PTGER3: variants seen among roughly 807,000 people sequenced by gnomAD.
PTGER3 encodes the protein prostaglandin E2 receptor EP3 subtype.
In PTGER3, 22 loss-of-function variants were observed where a neutral mutation model predicts 34.7. The ratio of observed to expected loss-of-function variants is 0.63; its 90% CI spans 0.45 to 0.91. The LOEUF (loss-of-function observed/expected upper bound fraction) is 0.91, where lower values mean the gene tolerates loss of function less well. Among genes scored for constraint, PTGER3 ranks in the 40% least tolerant of loss-of-function variants. The pLI is 0.00. For synonymous variants in PTGER3, 241 were observed against 230.1 expected, an observed-to-expected ratio of 1.05 and a Z score of -0.43; for missense variants, 468 against 519.4, an observed-to-expected ratio of 0.90 and a Z score of 0.96.
At chr1:70,945,469 G>T (rs1650140009) in intron 4 of PTGER3, among the ~76,000 whole-genome samples, 1 of 152,086 alleles carries the variant, frequency 6.6e-6, no homozygotes, top group Admixed American at 6.6e-5. Flanking sequence ...AGACTGAACT[G>T]GGATGCATTC....
chr1:71,022,872 C>T (rs989513691), intron 1 of PTGER3, among the ~76,000 whole-genome samples: 2 of 151,788 alleles, frequency 1.3e-5, no homozygotes, highest in African/African-American at 2.4e-5. Context: ...TCCTGTCTAT[C>T]TAAGGCACAC....
At chr1:70,914,332 A>G (rs1242040559) in intron 4 of PTGER3, among the ~76,000 whole-genome samples, 1 of 151,870 alleles carries the variant, frequency 6.6e-6, no homozygotes, top group Admixed American at 6.6e-5. Flanking sequence ...GATTGAGATA[A>G]CATGTGTAAA....
chr1:71,009,852 A>G (rs1205905222), intron 2 of PTGER3: 12 of 985,080 alleles, frequency 1.2e-5, no homozygotes, highest in South Asian at 4.7e-5. Context: ...GACTACATAT[A>G]TCCTCTTTCT....
chr1:71,010,632 C>G (rs1478898141), intron 2 of PTGER3: 3 of 984,538 alleles, frequency 3.0e-6, no homozygotes, highest in Non-Finnish European at 3.6e-6. Flanking sequence ...GTAGTTTTGT[C>G]TTATACCCAA....
chr1:70,987,323 T>C (rs965658520), intron 2 of PTGER3, among the ~76,000 whole-genome samples: 1 of 152,200 alleles, frequency 6.6e-6, no homozygotes, highest in African/African-American at 2.4e-5. Context: ...ATAAGTTATG[T>C]TTTGTTGTAT....
intron 4 of PTGER3, chr1:70,853,012 A>C: frequency 3.2e-6 from 3 of 927,706 alleles, no homozygotes; most frequent in Non-Finnish European, 5.1e-6. Context: ...AAGAACAAGA[A>C]CGAAGTTGTG....
intron 4 of PTGER3, among the ~76,000 whole-genome samples, chr1:70,933,282 C>T (rs1321775968): frequency 6.6e-6 from 1 of 152,150 alleles, no homozygotes; most frequent in Non-Finnish European, 1.5e-5. Context: ...ACTCTGTCCT[C>T]TCTGAGTTCT....
chr1:70,954,059 T>C (rs1259010095), intron 2 of PTGER3, among the ~76,000 whole-genome samples: 1 of 152,172 alleles, frequency 6.6e-6, no homozygotes, highest in African/African-American at 2.4e-5. Flanking sequence ...TCTTCTGTGT[T>C]CAACTCATGC....
intron 2 of PTGER3, among the ~76,000 whole-genome samples, chr1:70,986,195 C>A (rs1654894904): frequency 6.6e-6 from 1 of 152,074 alleles, no homozygotes; most frequent in South Asian, 2.1e-4. Flanking sequence ...GAATACTCAG[C>A]CCTTTGTTTA....
intron 4 of PTGER3, among the ~76,000 whole-genome samples, chr1:70,944,700 C>G (rs1429800093): frequency 2.6e-5 from 4 of 152,044 alleles, no homozygotes. Context: ...AGTGGATGCT[C>G]AAGAACTTTC....
intron 4 of PTGER3, among the ~76,000 whole-genome samples, chr1:70,943,101 A>G (rs1045877195): frequency 6.6e-6 from 1 of 152,146 alleles, no homozygotes; most frequent in Non-Finnish European, 1.5e-5. Context: ...CTATTTTTCA[A>G]TCAGTGATTT....
At chr1:70,982,408 G>T (rs1483975508) in intron 2 of PTGER3, among the ~76,000 whole-genome samples, 1 of 151,990 alleles carries the variant, frequency 6.6e-6, no homozygotes, top group East Asian at 1.9e-4. Flanking sequence ...GATTTGGGAG[G>T]GAAAACATCG....
chr1:71,035,020 CT>C (rs59318948), intron 1 of PTGER3, among the ~76,000 whole-genome samples: 16,262 of 151,998 alleles, frequency 0.11, 1,111 homozygotes, highest in East Asian at 0.23. Context: ...AATCTTGGCT[CT>C]AAGAAAATTC....
At chr1:70,953,495 C>T (rs1331998907) in intron 3 of PTGER3, among the ~76,000 whole-genome samples, 2 of 152,102 alleles carry the variant, frequency 1.3e-5, no homozygotes, top group East Asian at 3.9e-4. Context: ...CTGCCAAGTC[C>T]CCACAGCTGA....
At chr1:70,888,194 C>T (rs1646539091) in intron 4 of PTGER3, among the ~76,000 whole-genome samples, 1 of 152,134 alleles carries the variant, frequency 6.6e-6, no homozygotes, top group African/African-American at 2.4e-5. Flanking sequence ...GCAATAGGCA[C>T]CTCACAATCG....
At chr1:70,852,769 A>G in exon 5 of PTGER3, 1 of 1,548,008 alleles carries the variant, frequency 6.5e-7, no homozygotes, top group South Asian at 1.1e-5. Flanking sequence ...TGTTTCTGTG[A>G]TTTTTTTTTC....
chr1:71,047,525 T>C lies in PTGER3; in HGVS notation c.53A>G (p.Asn18Ser). The change falls in exon 1 of 4, where the codon AAC becomes AGC. Residue 18 changes from asparagine (N) to serine (S), a missense_variant. Coordinates refer to ENST00000306666, the MANE Select transcript of PTGER3 (RefSeq NM_198719.2). ...CGCCCACATGCCTGTGTAGGAGTGG[T>C]TGAGGCGGGTGCAGAAGGGGGCATC... ...GGDAPFCTRL[N>S]HSYTGMWAPE... 1 of 1,591,502 alleles carries C rather than the reference T, an allele frequency of 6.3e-7. No individual in the cohort carries two copies. Among genetic ancestry groups the C allele is most frequent in the Non-Finnish European group, 8.6e-7 (1 of 1,169,266 alleles).
At chr1:71,004,134 G>C (rs1656731778) in intron 2 of PTGER3, among the ~76,000 whole-genome samples, 1 of 152,098 alleles carries the variant, frequency 6.6e-6, no homozygotes, top group Non-Finnish European at 1.5e-5. Context: ...TATATTCAAA[G>C]CCTTCTTTTT....
At chr1:70,856,514 A>T (rs942956487) in intron 4 of PTGER3, among the ~76,000 whole-genome samples, 3 of 152,110 alleles carry the variant, frequency 2.0e-5, no homozygotes, top group Non-Finnish European at 4.4e-5. Context: ...CCCCAATTCA[A>T]GTAGGTCACA....
Sources: gnomAD v4.1 joint callset for allele counts (sites outside exome capture counted in the v4.1 genomes callset) on GRCh38, gnomAD v4.1.1 for gene constraint, MANE v1.5 for transcripts, NCBI Gene and HGNC (gene_info 2026-07-23, HGNC 2026-07-21) for gene names.